The following UBTD2 variants were observed in gnomAD, a reference collection of about 807,000 sequenced individuals.
UBTD2 encodes ubiquitin domain-containing protein 2.
UBTD2 carries 9 observed loss-of-function variants against 19.8 expected under a neutral mutation model. That is an observed-to-expected ratio of 0.46 (90% confidence interval 0.27 to 0.79). The LOEUF is 0.79. UBTD2 is among the 30% of genes least tolerant of loss of function. UBTD2 has a pLI of 0.14. For synonymous variants in UBTD2, 98 were observed against 103.9 expected (o/e 0.94, Z 0.35); for missense variants, 250 against 300.4 (o/e 0.83, Z 1.24).
chr5:172,217,318 C>T (rs968914435), intron 2 of UBTD2, among the ~76,000 whole-genome samples: 22 of 150,138 alleles, frequency 1.5e-4, no homozygotes, highest in African/African-American at 5.4e-4. Context: ...ACTCCGGAGG[C>T]TGAGGCAGGA....
At chr5:172,226,734 T>C (rs1771773885) in intron 2 of UBTD2, among the ~76,000 whole-genome samples, 1 of 152,164 alleles carries the variant, frequency 6.6e-6, no homozygotes, top group African/African-American at 2.4e-5. Flanking sequence ...TGCTAACAAA[T>C]TACAGGTTCT....
chr5:172,256,529 G>GT (rs752604475), intron 1 of UBTD2, among the ~76,000 whole-genome samples: 7,434 of 121,232 alleles, frequency 0.061, 262 homozygotes, highest in Non-Finnish European at 0.079. Context: ...ACCATGCCCA[G>GT]CTTTTTTTTT....
intron 1 of UBTD2, among the ~76,000 whole-genome samples, chr5:172,244,295 GTT>G (rs1191361417): frequency 1.7e-4 from 22 of 126,040 alleles, no homozygotes; most frequent in Admixed American, 5.9e-4. Context: ...TTTCCTCCCA[GTT>G]TTTTTTTTTT....
intron 1 of UBTD2, among the ~76,000 whole-genome samples, chr5:172,270,465 CCCG>C (rs1755464971): frequency 6.6e-6 from 1 of 150,954 alleles, no homozygotes; most frequent in African/African-American, 2.5e-5. Context: ...AAGCAATTCC[CCCG>C]CCTCAGCCTC....
chr5:172,224,620 C>G lies in UBTD2; in HGVS notation c.307+9502G>C, dbSNP rs112420257. ...TCTGATGGTTTTATAAGGGACTCTT[C>G]CCGCTCTGCTCCTCACTCTTCTCTC... is the stretch of plus-strand genomic sequence containing the variant. On this transcript the variant is annotated intron_variant, in intron 2 of 2. Coordinates refer to ENST00000393792, the MANE Select transcript of UBTD2 (RefSeq NM_152277.3). 4.3e-3 allele frequency among the ~76,000 whole-genome samples: 655 copies of G among 152,190 alleles called. 7 individuals carry two copies. Among genetic ancestry groups the G allele is most frequent in the African/African-American group, 0.015 (607 of 41,544 alleles).
At chr5:172,266,368 C>T (rs1174134659) in intron 1 of UBTD2, among the ~76,000 whole-genome samples, 2 of 152,218 alleles carry the variant, frequency 1.3e-5, no homozygotes, top group Non-Finnish European at 2.9e-5. Flanking sequence ...ATCCATTCTT[C>T]ATAAGCAACA....
intron 1 of UBTD2, among the ~76,000 whole-genome samples, chr5:172,244,450 C>T (rs1194025003): frequency 6.6e-6 from 1 of 151,942 alleles, no homozygotes; most frequent in Non-Finnish European, 1.5e-5. Context: ...GCATGCGCCA[C>T]CACGCCCGGC....
At chr5:172,281,208 G>A (rs1755707712) in intron 1 of UBTD2, among the ~76,000 whole-genome samples, 1 of 152,166 alleles carries the variant, frequency 6.6e-6, no homozygotes, top group Non-Finnish European at 1.5e-5. Flanking sequence ...GTTGGTGAAT[G>A]TAATTAAATC....
chr5:172,262,568 T>C (rs947024269), intron 1 of UBTD2, among the ~76,000 whole-genome samples: 1 of 152,030 alleles, frequency 6.6e-6, no homozygotes, highest in African/African-American at 2.4e-5. Context: ...TCCCAGCACT[T>C]TGGGAGGCCG....
rs1357004638 is a variant in UBTD2 at position 172,211,819 on chromosome 5, C to CA, written c.*10dup. On this transcript the variant is annotated 3_prime_UTR_variant, in exon 3 of 3. Coordinates refer to ENST00000393792, the MANE Select transcript of UBTD2 (RefSeq NM_152277.3). ...GCAGAGGGATGTGGGAGCTGGCCAA[C>CA]AGGGCTCAGTTCAGTTCTCCACTGG... The CA allele has an allele frequency of 3.8e-6, 6 of 1,583,900 alleles. No individual in the cohort carries two copies. The South Asian group carries it at 6.9e-5, about 18-fold the overall frequency.
chr5:172,212,147 T>A lies in UBTD2; in HGVS notation c.388A>T (p.Ile130Leu). 6.2e-7 allele frequency: 1 copy of A among 1,614,214 alleles called. No homozygotes were observed. Among genetic ancestry groups the A allele is most frequent in the Non-Finnish European group, 8.5e-7 (1 of 1,180,022 alleles). ...VYCLAPPINM[I>L]EEKSDIETLD... Reference sequence around the variant, plus strand: ...GTCTCTATGTCGCTCTTTTCCTCTATCATGTTGATTGGCGGTGCCAAGCAA... The same window carrying A: ...GTCTCTATGTCGCTCTTTTCCTCTAACATGTTGATTGGCGGTGCCAAGCAA... Residue 130 changes from isoleucine to leucine, a missense_variant, in exon 3 of 3, where the codon ATA (isoleucine) becomes TTA (leucine). Transcript: ENST00000393792.
At chr5:172,225,933 CTTTTT>C (rs57155195) in intron 2 of UBTD2, among the ~76,000 whole-genome samples, 147 of 107,492 alleles carry the variant, frequency 1.4e-3, no homozygotes, top group African/African-American at 4.3e-3. Flanking sequence ...GGCTTAAACT[CTTTTT>C]TTTTTTTTTT....
At position 172,242,686 on chromosome 5, in the gene UBTD2, A is replaced by G. The variant is rs145584763; in HGVS notation, c.71-8328T>C. Among the ~76,000 whole-genome samples the G allele has an allele frequency of 7.9e-4, 121 of 152,322 alleles. No homozygotes were observed. In the Middle Eastern group the frequency reaches 0.01, roughly 13 times the overall value. ...GGCAACTGAATGTCACGTCTATGGT[A>G]TAATTTGTCCTTGGCAATTACCAGT... On this transcript the variant is annotated intron_variant, in intron 1 of 2. Transcript: ENST00000393792.
chr5:172,230,007 A>AT (rs1771857576), intron 2 of UBTD2, among the ~76,000 whole-genome samples: 3 of 152,212 alleles, frequency 2.0e-5, no homozygotes, highest in Non-Finnish European at 4.4e-5. Context: ...ATGAGTAATA[A>AT]CATGCTGTGC....
chr5:172,232,318 A>T (rs1422359925), intron 2 of UBTD2, among the ~76,000 whole-genome samples: 3 of 43,518 alleles, frequency 6.9e-5, no homozygotes, highest in Non-Finnish European at 1.4e-4. Flanking sequence ...CACTGTCATA[A>T]AAAAAAAAAA....
Position 172,283,567 on chromosome 5 carries a change from G to A in UBTD2, c.70+29C>T, listed in dbSNP as rs1283311969. 21 of 1,287,856 alleles carry A rather than the reference G, an allele frequency of 1.6e-5. No individual in the cohort carries two copies. In the Admixed American group the frequency reaches 3.9e-4, roughly 24 times the overall value. The allele number at this position is 1,287,856 out of a possible 1,614,324, so 79.8% of individuals were successfully genotyped here. ...CGGGCCTGGCCGGGAACAATGGGGG[G>A]CCGAGGCTGCCCCCTGGCGCTCACC... On this transcript the variant is annotated intron_variant, in intron 1 of 2. Transcript: ENST00000393792. This position sits in a 1 kb window ranked among gnomAD's most constrained non-coding sequence, Gnocchi z 4.3.
At chr5:172,223,807 G>A (rs1417138245) in intron 2 of UBTD2, among the ~76,000 whole-genome samples, 1 of 152,096 alleles carries the variant, frequency 6.6e-6, no homozygotes, top group Non-Finnish European at 1.5e-5. Context: ...ATAATGTATA[G>A]GAGGTACAGG....
rs561324108 is a variant in UBTD2 at position 172,280,523 on chromosome 5, A to C, written c.70+3073T>G. ...AGACTCCATCTCAAAAAAAAAAAAA[A>C]AAAAAACCAGCCTAACTACTCATGT... is the stretch of plus-strand genomic sequence containing the variant. On this transcript the variant is annotated intron_variant, in intron 1 of 2. Coordinates refer to ENST00000393792, the MANE Select transcript of UBTD2 (RefSeq NM_152277.3). Among the ~76,000 whole-genome samples the C allele has an allele frequency of 4.0e-5, 6 of 151,700 alleles. No homozygotes were observed. The South Asian group carries it at 8.3e-4, about 21-fold the overall frequency.
intron 1 of UBTD2, among the ~76,000 whole-genome samples, chr5:172,265,655 A>C (rs1581231803): frequency 6.6e-6 from 1 of 152,096 alleles, no homozygotes; most frequent in Non-Finnish European, 1.5e-5. Context: ...TTCATTCTCC[A>C]AATGATAAAA....
Sources: allele counts gnomAD v4.1 joint callset (sites outside exome capture counted in the v4.1 genomes callset), GRCh38; gene constraint gnomAD v4.1.1; non-coding constraint Gnocchi (gnomAD v3.1); transcripts MANE v1.5; gene names NCBI Gene and HGNC (gene_info 2026-07-23, HGNC 2026-07-21).